The following LYPLA1 variants were observed in gnomAD, a reference collection of about 807,000 sequenced individuals.
LYPLA1 encodes the protein lysophospholipase 1, also known as acyl-protein thioesterase 1.
In LYPLA1, 17 loss-of-function variants were observed where a neutral mutation model predicts 34.0. That is an observed-to-expected ratio of 0.50 (90% CI 0.34 to 0.75). LYPLA1 has a LOEUF of 0.75. Among genes scored for constraint, LYPLA1 ranks in the 30% least tolerant of loss-of-function variants. LYPLA1 has a pLI of 0.01. For missense variants in LYPLA1, 203 were observed against 288.8 expected, an observed-to-expected ratio of 0.70 and a Z score of 2.15; for synonymous variants, 98 against 100.8, an observed-to-expected ratio of 0.97 and a Z score of 0.17.
chr8:54,060,686 T>C (rs1806543962), intron 5 of LYPLA1, among the ~76,000 whole-genome samples: 1 of 148,402 alleles, frequency 6.7e-6, no homozygotes, highest in South Asian at 2.1e-4. Flanking sequence ...AACTTTTTTC[T>C]TCCTTTTTTT....
In LYPLA1 at chr8:54,074,846, TTGTC is replaced by T. The variant is rs1165871271; in HGVS notation, c.102-9037_102-9034del. ...GTATGTGTGGACACCTTTTCTCACTTTGTCTGGGCTACATGCCAATCAGGAGAGT... is the reference window on the plus strand; with the variant it reads ...GTATGTGTGGACACCTTTTCTCACTTTGGGCTACATGCCAATCAGGAGAGT... On this transcript the variant is annotated intron_variant, in intron 2 of 8. Coordinates refer to ENST00000316963, the MANE Select transcript of LYPLA1 (RefSeq NM_006330.4). 6.6e-5 allele frequency among the ~76,000 whole-genome samples: 10 copies of T among 152,354 alleles called. No homozygotes were observed. In the South Asian group the frequency reaches 8.3e-4, roughly 13 times the overall value.
intron 2 of LYPLA1, chr8:54,073,565 A>G: frequency 1.6e-6 from 1 of 613,168 alleles, no homozygotes; most frequent in Non-Finnish European, 3.0e-6. Context: ...CAAAGTTACT[A>G]TTAATCGACA....
chr8:54,085,438 C>A (rs989985907), intron 2 of LYPLA1, among the ~76,000 whole-genome samples: 3 of 152,208 alleles, frequency 2.0e-5, no homozygotes, highest in African/African-American at 7.2e-5. Flanking sequence ...TGTCTCTGCC[C>A]CGCCGCCCAT....
intron 5 of LYPLA1, among the ~76,000 whole-genome samples, chr8:54,057,935 T>C (rs1048839126): frequency 6.6e-6 from 1 of 152,170 alleles, no homozygotes; most frequent in Admixed American, 6.6e-5. Context: ...TGTACACCTA[T>C]GTACTCACAA....
rs1810204018 is a variant in LYPLA1 at position 54,101,943 on chromosome 8, C to T, written c.-120G>A. On this transcript the variant is annotated 5_prime_UTR_variant, in exon 1 of 9. Transcript: ENST00000316963. ...GGGCGCACGCTCAGGCGCGTGCGCG[C>T]CAACGCGGCCCCGCGCTACCTTCCG... 2.8e-6 allele frequency: 1 copy of T among 362,476 alleles called. No individual in the cohort carries two copies. The allele number at this position is 362,476 out of a possible 1,614,324, so 22.5% of individuals were successfully genotyped here. A position where few individuals can be genotyped will look rare whatever the true frequency, so the allele number is the denominator to read the frequency against.
At chr8:54,064,994 T>G (rs192472683) in intron 3 of LYPLA1, among the ~76,000 whole-genome samples, 2 of 152,166 alleles carry the variant, frequency 1.3e-5, no homozygotes, top group Admixed American at 1.3e-4. Flanking sequence ...TCTTCTAAGT[T>G]TGCTCAAAAC....
At chr8:54,087,802 ATAAAT>A (rs1346198857) in intron 2 of LYPLA1, among the ~76,000 whole-genome samples, 1 of 152,222 alleles carries the variant, frequency 6.6e-6, no homozygotes, top group Non-Finnish European at 1.5e-5. Context: ...GCACTTGAAC[ATAAAT>A]TTAATTTATT....
chr8:54,098,666 G>C (rs1809874098), intron 2 of LYPLA1, among the ~76,000 whole-genome samples: 3 of 152,238 alleles, frequency 2.0e-5, no homozygotes. Context: ...GGGTGACAGA[G>C]TGAGACTCCA....
chr8:54,096,895 G>A (rs1035181386), intron 2 of LYPLA1, among the ~76,000 whole-genome samples: 1 of 152,120 alleles, frequency 6.6e-6, no homozygotes, highest in Non-Finnish European at 1.5e-5. Context: ...CTGGGTGACA[G>A]AGCGAGATTC....
At chr8:54,045,818 T>A (rs1439582988), downstream of LYPLA1, among the ~76,000 whole-genome samples, 2 of 152,206 alleles carry the variant, frequency 1.3e-5, no homozygotes, top group African/African-American at 2.4e-5. Context: ...CCCAGCACTT[T>A]GGGAGGCTGA....
chr8:54,081,657 T>C (rs1346203746), intron 2 of LYPLA1, among the ~76,000 whole-genome samples: 1 of 151,656 alleles, frequency 6.6e-6, no homozygotes, highest in Non-Finnish European at 1.5e-5. Context: ...CCTCGTGATC[T>C]GCCCACCTTG....
chr8:54,062,432 G>GTT (rs1388467155), intron 4 of LYPLA1, 108 bp from the exon 5 acceptor site: 1 of 408,020 alleles, frequency 2.5e-6, no homozygotes, highest in Non-Finnish European at 4.2e-6. Context: ...CCAGAAATAT[G>GTT]TTTTATTTTA....
intron 4 of LYPLA1, among the ~76,000 whole-genome samples, chr8:54,062,820 C>T (rs1437315443): frequency 6.6e-6 from 1 of 152,046 alleles, no homozygotes; most frequent in African/African-American, 2.4e-5. Context: ...CTAAAGTCAT[C>T]GTTTTTTAAC....
chr8:54,093,856 CT>C (rs1158508829), intron 2 of LYPLA1, among the ~76,000 whole-genome samples: 1 of 152,130 alleles, frequency 6.6e-6, no homozygotes, highest in African/African-American at 2.4e-5. Context: ...TTAAAGAAAC[CT>C]TTGCCTTCAT....
At chr8:54,072,830 A>C (rs1807586666) in intron 2 of LYPLA1, among the ~76,000 whole-genome samples, 1 of 151,640 alleles carries the variant, frequency 6.6e-6, no homozygotes, top group Non-Finnish European at 1.5e-5. Flanking sequence ...AATACAAAAA[A>C]TTAGCCAGGC....
At chr8:54,051,970 C>A (rs926729093) in intron 7 of LYPLA1, among the ~76,000 whole-genome samples, 2 of 151,786 alleles carry the variant, frequency 1.3e-5, no homozygotes, top group Non-Finnish European at 2.9e-5. Flanking sequence ...CATGCCTCAG[C>A]CTCCTGAGTA....
intron 2 of LYPLA1, among the ~76,000 whole-genome samples, chr8:54,077,243 C>T (rs910003436): frequency 7.2e-5 from 11 of 151,864 alleles, no homozygotes; most frequent in African/African-American, 2.7e-4. Flanking sequence ...TCACAGGAAC[C>T]GAAAACCAAA....
At chr8:54,097,804 A>G (rs1432206301) in intron 2 of LYPLA1, among the ~76,000 whole-genome samples, 1 of 152,262 alleles carries the variant, frequency 6.6e-6, no homozygotes, top group African/African-American at 2.4e-5. Flanking sequence ...TGCTTGTGAT[A>G]AAGTTTATTG....
chr8:54,058,321 T>G (rs753787338), intron 5 of LYPLA1, among the ~76,000 whole-genome samples: 3 of 152,126 alleles, frequency 2.0e-5, no homozygotes, highest in Non-Finnish European at 4.4e-5. Flanking sequence ...GGCCAGCAGA[T>G]CAACTTGAGG....
Sources: allele counts gnomAD v4.1 joint callset (sites outside exome capture counted in the v4.1 genomes callset), GRCh38; gene constraint gnomAD v4.1.1; transcripts MANE v1.5; gene names NCBI Gene and HGNC (gene_info 2026-07-23, HGNC 2026-07-21).